Variants in KIN observed in about 807,000 individuals in gnomAD.
KIN encodes the protein Kin17 DNA and RNA binding protein.
KIN carries 47 observed loss-of-function variants against 63.0 expected under a neutral mutation model. The ratio of observed to expected loss-of-function variants is 0.75; its 90% CI spans 0.59 to 0.95. KIN has a LOEUF of 0.95. Among genes scored for constraint, KIN ranks in the 40% least tolerant of loss-of-function variants. KIN has a pLI of 0.00. For synonymous variants in KIN, 160 were observed against 157.7 expected (o/e 1.01, Z -0.11); for missense variants, 408 against 460.9 (o/e 0.89, Z 1.05).
At position 7,766,100 on chromosome 10, in the gene KIN, C is replaced by T; in HGVS notation, c.802G>A (p.Glu268Lys). 6.2e-7 allele frequency: 1 copy of T among 1,606,818 alleles called. No homozygotes were observed. Among genetic ancestry groups the T allele is most frequent in the Non-Finnish European group, 8.5e-7 (1 of 1,174,600 alleles). The change falls in exon 9 of 13, where the codon GAA becomes AAA. Residue 268 changes from glutamate to lysine, a missense_variant. By Grantham distance (56) the Glu-to-Lys change is moderately conservative. This residue lies in a region of KIN where 298 missense variants were observed against 296.0 expected (regional missense o/e 1.01). Transcript: ENST00000379562. Reference sequence around the variant, plus strand: ...CGGGCAGTTCTTTTCTTTTCCTCTTCAATCTGTAGAACACATAATGTCTTA... The same window carrying T: ...CGGGCAGTTCTTTTCTTTTCCTCTTTAATCTGTAGAACACATAATGTCTTA... Reference protein sequence around the residue: ...KSALDEIMEIEEEKKRTARTD... With the variant: ...KSALDEIMEIKEEKKRTARTD...
chr10:7,774,652 A>AC (rs1227979602), intron 7 of KIN, among the ~76,000 whole-genome samples, 179 bp downstream of exon 7: 2 of 151,408 alleles, frequency 1.3e-5, no homozygotes, highest in Admixed American at 6.6e-5. Flanking sequence ...ACATAGCAAG[A>AC]CCCCATCTCT....
chr10:7,766,177 A>C, intron 8 of KIN, 74 bp from the exon 9 acceptor site: 1 of 1,009,182 alleles, frequency 9.9e-7, no homozygotes, highest in Non-Finnish European at 1.5e-6. Context: ...TCTATTTAGC[A>C]AAATAACACC....
Position 7,780,045 on chromosome 10 carries a change from C to G in KIN, c.376+11G>C, listed in dbSNP as rs371266240. On this transcript the variant is annotated intron_variant, in intron 4 of 12. Transcript: ENST00000379562. ...GGGAAAGAAAAAGCAACTTTAAAAT[C>G]TCATTCTTACCTTCTCTGCCCAGCC... 5 of 1,605,710 alleles carry G rather than the reference C, an allele frequency of 3.1e-6. No homozygotes were observed. The East Asian group carries it at 1.1e-4, about 36-fold the overall frequency.
intron 1 of KIN, among the ~76,000 whole-genome samples, chr10:7,787,274 A>G (rs1297128969): frequency 6.6e-6 from 1 of 152,200 alleles, no homozygotes; most frequent in African/African-American, 2.4e-5. Context: ...TTGACTTTAA[A>G]TTTTGACAGT....
At chr10:7,769,096 G>A in intron 8 of KIN, 120 bp downstream of exon 8, 1 of 846,062 alleles carries the variant, frequency 1.2e-6, no homozygotes, top group Non-Finnish European at 1.8e-6. Context: ...ATGTAGCTAG[G>A]TCACTATTCC....
intron 10 of KIN, among the ~76,000 whole-genome samples, chr10:7,763,083 C>G (rs1445804893): frequency 1.3e-5 from 2 of 151,840 alleles, no homozygotes; most frequent in African/African-American, 2.4e-5. Context: ...TGGTGAAACC[C>G]CGTTTCTACT....
At chr10:7,762,395 T>C (rs1036247934) in intron 11 of KIN, 62 bp downstream of exon 11, 3 of 926,936 alleles carry the variant, frequency 3.2e-6, no homozygotes, top group Non-Finnish European at 5.1e-6. Flanking sequence ...AATACAGTGG[T>C]TTGAAAATGG....
Position 7,769,264 on chromosome 10 carries a change from C to G in KIN, c.750G>C (p.Gln250His). 1 of 1,613,540 alleles carries G rather than the reference C, an allele frequency of 6.2e-7. No homozygotes were observed. Among genetic ancestry groups the G allele is most frequent in the South Asian group, 1.1e-5 (1 of 91,034 alleles). ...ATTTCTTTTTCTTCTTTTCTTTAGA[C>G]TGAGTTGAGCTCTGGGAAGATTCTT... ...KRKESSQSST[Q>H]SKEKKKKKSA... The change falls in exon 8 of 13, where the codon CAG (glutamine) becomes CAC (histidine). Residue 250 changes from glutamine to histidine, a missense_variant. By Grantham distance (24) the Gln-to-His change is conservative. This residue lies in a region of KIN where 298 missense variants were observed against 296.0 expected (regional missense o/e 1.01). Coordinates refer to ENST00000379562, the MANE Select transcript of KIN (RefSeq NM_012311.4).
In KIN at chr10:7,753,209, T is replaced by A. The variant is rs1835270438; in HGVS notation, c.*2871A>T. ...AACTACTGTGAAGTCTATAATCGTA[T>A]TTTTATGCTTCAGATATTTTTTATT... On this transcript the variant is annotated 3_prime_UTR_variant, in exon 13 of 13. Transcript: ENST00000379562. 6.6e-6 allele frequency: 1 copy of A among 152,350 alleles called. No homozygotes were observed. The highest frequency in any genetic ancestry group is 2.1e-4 in the South Asian group (1 of 4,832). 9.4% of individuals were successfully genotyped at this position (152,350 alleles called of 1,614,324 possible).
chr10:7,753,943 G>A lies in KIN; in HGVS notation c.*2137C>T, dbSNP rs978812883. On this transcript the variant is annotated 3_prime_UTR_variant, in exon 13 of 13. Coordinates refer to ENST00000379562, the MANE Select transcript of KIN (RefSeq NM_012311.4). Reference sequence around the variant, plus strand: ...TTAAAGAGAGAGATCCCAGGGTTTGGCACCATACCTGTGTCTGACGTCAGC... The same window carrying A: ...TTAAAGAGAGAGATCCCAGGGTTTGACACCATACCTGTGTCTGACGTCAGC... 7.1e-6 allele frequency: 3 copies of A among 423,122 alleles called. No individual in the cohort carries two copies. The highest frequency in any genetic ancestry group is 4.1e-5 in the African/African-American group (2 of 49,284). The allele number at this position is 423,122 out of a possible 1,614,324, so 26.2% of individuals were successfully genotyped here.
At chr10:7,779,771 G>C in intron 4 of KIN, among the ~76,000 whole-genome samples, 1 of 152,132 alleles carries the variant, frequency 6.6e-6, no homozygotes, top group East Asian at 1.9e-4. Context: ...TGTGAATTTT[G>C]GTTATCAGCA....
intron 2 of KIN, among the ~76,000 whole-genome samples, chr10:7,780,789 C>T (rs1212041817): frequency 6.6e-6 from 1 of 152,122 alleles, no homozygotes; most frequent in African/African-American, 2.4e-5. Flanking sequence ...GGAAAGAACT[C>T]CAAAATATTA....
At chr10:7,776,699 C>G (rs1312645596) in intron 5 of KIN, among the ~76,000 whole-genome samples, 1 of 149,490 alleles carries the variant, frequency 6.7e-6, no homozygotes, top group Non-Finnish European at 1.5e-5. Context: ...CCACTGCCCT[C>G]CCCAGCCTGG....
chr10:7,773,344 T>C (rs748765023), intron 7 of KIN, among the ~76,000 whole-genome samples: 13 of 152,192 alleles, frequency 8.5e-5, no homozygotes, highest in Admixed American at 2.0e-4. Flanking sequence ...GGGAGGTCAA[T>C]TGGGGAACAC....
At position 7,755,945 on chromosome 10, in the gene KIN, A is replaced by AACTG. The variant is rs397787637; in HGVS notation, c.*134_*135insCAGT. On this transcript the variant is annotated 3_prime_UTR_variant, in exon 13 of 13. Coordinates refer to ENST00000379562, the MANE Select transcript of KIN (RefSeq NM_012311.4). ...CTTCTCAAAGTTTAGCTGAACAACTATACAGTAATATTTTCAAAAACCTGT... is the reference window on the plus strand; with the variant it reads ...CTTCTCAAAGTTTAGCTGAACAACTAACTGTACAGTAATATTTTCAAAAACCTGT... 3.1e-5 allele frequency: 17 copies of AACTG among 543,968 alleles called. No individual in the cohort carries two copies. The highest frequency in any genetic ancestry group is 2.6e-5 in the Non-Finnish European group (8 of 304,880). 33.7% of individuals were successfully genotyped at this position (543,968 alleles called of 1,614,324 possible). A position where few individuals can be genotyped will look rare whatever the true frequency, so the allele number is the denominator to read the frequency against.
In KIN at chr10:7,787,961, G is replaced by T; in HGVS notation, c.-28C>A. The T allele has an allele frequency of 6.5e-7, 1 of 1,545,522 alleles. No individual in the cohort carries two copies. Among genetic ancestry groups the T allele is most frequent in the Non-Finnish European group, 8.9e-7 (1 of 1,117,592 alleles). The stretch of plus-strand genomic sequence containing the variant: ...CGACCACGGCAGCGATCACTTTCTG[G>T]ACCCCAGTACTCAGCCAGCCGGAAA... On this transcript the variant is annotated 5_prime_UTR_variant, in exon 1 of 13. Transcript: ENST00000379562.
Position 7,769,350 on chromosome 10 carries a change from T to C in KIN, c.669-5A>G. On this transcript the variant is annotated splice_region_variant and splice_polypyrimidine_tract_variant and intron_variant, in intron 7 of 12. Transcript: ENST00000379562. Reference sequence around the variant, plus strand: ...AGTGCACTCGGTCCCAGAGTACTGATGAACAGGAGAACCATGCTTGTTACC... The same window carrying C: ...AGTGCACTCGGTCCCAGAGTACTGACGAACAGGAGAACCATGCTTGTTACC... The C allele has an allele frequency of 6.2e-7, 1 of 1,609,576 alleles. No individual in the cohort carries two copies. Among genetic ancestry groups the C allele is most frequent in the Middle Eastern group, 1.7e-4 (1 of 6,044 alleles).
intron 1 of KIN, among the ~76,000 whole-genome samples, chr10:7,784,084 CATAA>C (rs1341133038): frequency 3.3e-5 from 5 of 152,066 alleles, no homozygotes; most frequent in South Asian, 2.1e-4. Context: ...GTATCAGCCT[CATAA>C]ATAAACAGTA....
At chr10:7,779,090 C>G in intron 4 of KIN, 71 bp from the exon 5 acceptor site, 1 of 1,520,812 alleles carries the variant, frequency 6.6e-7, no homozygotes, top group South Asian at 1.2e-5. Flanking sequence ...TGTGTTTCAC[C>G]TCTGCATATT....
Sources: allele counts gnomAD v4.1 joint callset (sites outside exome capture counted in the v4.1 genomes callset), GRCh38; gene constraint gnomAD v4.1.1; regional missense constraint gnomAD v4.1.1; transcripts MANE v1.5; gene names NCBI Gene and HGNC (gene_info 2026-07-23, HGNC 2026-07-21).